Variants in CAMKMT observed in about 807,000 individuals in gnomAD.
CAMKMT encodes CaM KMT.
In CAMKMT, 53 loss-of-function variants were observed where a neutral mutation model predicts 48.0. That is an observed-to-expected ratio of 1.10 (90% CI 0.89 to 1.39). CAMKMT has a LOEUF of 1.39. CAMKMT is among the 40% of genes most tolerant of loss of function. The pLI, the probability that CAMKMT is intolerant of heterozygous loss-of-function variation, is 0.00. For synonymous variants in CAMKMT, 165 were observed against 152.3 expected (o/e 1.08, Z -0.61); for missense variants, 428 against 402.7 (o/e 1.06, Z -0.54).
Position 44,430,396 on chromosome 2 carries a change from A to T in CAMKMT, c.376+40091A>T, listed in dbSNP as rs115563196. On this transcript the variant is annotated intron_variant, in intron 3 of 10. Transcript: ENST00000378494. ...GGCAATTTTCATGTGTGATGAAGTG[A>T]AATGTTGAGAAGGCAGCCTCTCATC... Among the ~76,000 whole-genome samples, 505 of 151,954 alleles carry T rather than the reference A, an allele frequency of 3.3e-3. 3 individuals are homozygous for T. Among genetic ancestry groups the T allele is most frequent in the African/African-American group, 0.012 (489 of 41,440 alleles).
At chr2:44,695,939 TTTTTA>T (rs895802056) in intron 3 of CAMKMT, among the ~76,000 whole-genome samples, 6 of 151,620 alleles carry the variant, frequency 4.0e-5, no homozygotes, top group Non-Finnish European at 7.4e-5. Context: ...AACACAAAAA[TTTTTA>T]TTTTATTTTA....
At chr2:44,544,296 T>C (rs567033711) in intron 3 of CAMKMT, among the ~76,000 whole-genome samples, 1 of 152,314 alleles carries the variant, frequency 6.6e-6, no homozygotes, top group East Asian at 1.9e-4. Context: ...GGTTCAGAAA[T>C]GCCTGTTTAT....
chr2:44,436,269 G>A (rs549218144), intron 3 of CAMKMT, among the ~76,000 whole-genome samples: 5 of 152,112 alleles, frequency 3.3e-5, no homozygotes, highest in African/African-American at 4.8e-5. Context: ...GTAGAGACAG[G>A]GTTTCACCAT....
At chr2:44,493,535 A>G (rs1183009636) in intron 3 of CAMKMT, among the ~76,000 whole-genome samples, 2 of 152,200 alleles carry the variant, frequency 1.3e-5, no homozygotes, top group African/African-American at 2.4e-5. Context: ...TTATTTGATA[A>G]TAATGATTTT....
At position 44,372,030 on chromosome 2, in the gene CAMKMT, C is replaced by A. The variant is rs563825884; in HGVS notation, c.139-686C>A. ...GCATACTCAATATACCTCCCCATTC[C>A]TAGGTAAGCTTTGAAATTCAACTTT... is the stretch of plus-strand genomic sequence containing the variant. On this transcript the variant is annotated intron_variant, in intron 1 of 10. Transcript: ENST00000378494. Among the ~76,000 whole-genome samples, 21 of 152,222 alleles carry A rather than the reference C, an allele frequency of 1.4e-4. No individual in the cohort carries two copies. The Middle Eastern group carries it at 0.014, about 99-fold the overall frequency.
chr2:44,410,231 G>GTATATATATATATA (rs1301135062), intron 3 of CAMKMT, among the ~76,000 whole-genome samples: 3 of 20,446 alleles, frequency 1.5e-4, no homozygotes, highest in Admixed American at 9.6e-4. Context: ...TCAGGTATCA[G>GTATATATATATATA]TATATATATA....
chr2:44,755,449 G>C (rs1200576211), intron 9 of CAMKMT, among the ~76,000 whole-genome samples: 2 of 152,136 alleles, frequency 1.3e-5, no homozygotes, highest in South Asian at 2.1e-4. Flanking sequence ...CAAGATTCTT[G>C]AATATGAAGG....
chr2:44,562,332 G>A (rs2103697976), intron 3 of CAMKMT, among the ~76,000 whole-genome samples: 1 of 152,168 alleles, frequency 6.6e-6, no homozygotes, highest in Non-Finnish European at 1.5e-5. Flanking sequence ...TAATCCATTT[G>A]CTTATTATAA....
chr2:44,601,349 G>A (rs1437691588), intron 3 of CAMKMT, among the ~76,000 whole-genome samples: 4 of 151,980 alleles, frequency 2.6e-5, no homozygotes, highest in South Asian at 4.1e-4. Context: ...CCAGCTACTC[G>A]GGAGGCTGAG....
intron 3 of CAMKMT, among the ~76,000 whole-genome samples, chr2:44,405,508 C>G (rs563806615): frequency 2.4e-4 from 37 of 151,920 alleles, no homozygotes; most frequent in Admixed American, 1.8e-3. Flanking sequence ...GCATATATAC[C>G]AATTTATCAA....
chr2:44,411,461 A>C (rs187125396), intron 3 of CAMKMT, among the ~76,000 whole-genome samples: 3 of 152,234 alleles, frequency 2.0e-5, no homozygotes, highest in African/African-American at 7.2e-5. Flanking sequence ...GTCATATGTT[A>C]TCTCTAGATT....
intron 3 of CAMKMT, among the ~76,000 whole-genome samples, chr2:44,487,143 T>C (rs956219126): frequency 6.6e-6 from 1 of 152,224 alleles, no homozygotes; most frequent in Non-Finnish European, 1.5e-5. Flanking sequence ...AAAAAAAGTT[T>C]ATGTTAAAGT....
intron 3 of CAMKMT, among the ~76,000 whole-genome samples, chr2:44,403,611 G>A (rs1682580751): frequency 6.6e-6 from 1 of 152,160 alleles, no homozygotes; most frequent in Middle Eastern, 3.4e-3. Flanking sequence ...GTTTCTAAAT[G>A]TACTTACTTT....
chr2:44,485,806 T>C (rs916131342), intron 3 of CAMKMT, among the ~76,000 whole-genome samples: 1 of 152,208 alleles, frequency 6.6e-6, no homozygotes, highest in African/African-American at 2.4e-5. Flanking sequence ...TGATTCCATT[T>C]GTATAAAGTC....
chr2:44,704,411 C>A, intron 4 of CAMKMT, 68 bp downstream of exon 4: 8 of 1,025,238 alleles, frequency 7.8e-6, no homozygotes, highest in South Asian at 3.9e-5. Flanking sequence ...TAAAAATTGC[C>A]ATGATTATAT....
intron 3 of CAMKMT, among the ~76,000 whole-genome samples, chr2:44,677,736 G>T (rs1489712850): frequency 6.6e-6 from 1 of 151,776 alleles, no homozygotes; most frequent in Non-Finnish European, 1.5e-5. Context: ...TTTACTTTTA[G>T]AAGGTTGTGT....
At chr2:44,487,207 G>C (rs1669256455) in intron 3 of CAMKMT, among the ~76,000 whole-genome samples, 1 of 151,988 alleles carries the variant, frequency 6.6e-6, no homozygotes, top group South Asian at 2.1e-4. Flanking sequence ...TTTTCTCAGA[G>C]TAACATTGTG....
At chr2:44,749,030 T>G (rs1252023999) in intron 8 of CAMKMT, among the ~76,000 whole-genome samples, 2 of 152,226 alleles carry the variant, frequency 1.3e-5, no homozygotes, top group African/African-American at 4.8e-5. Context: ...GAATGTAGTT[T>G]TGGGAAAGAT....
At chr2:44,666,107 A>T (rs1352521247) in intron 3 of CAMKMT, among the ~76,000 whole-genome samples, 3 of 152,230 alleles carry the variant, frequency 2.0e-5, no homozygotes, top group Non-Finnish European at 2.9e-5. Context: ...TCTCAGGCAG[A>T]TGGAAATGTA....
Sources: allele counts gnomAD v4.1 joint callset (sites outside exome capture counted in the v4.1 genomes callset), GRCh38; gene constraint gnomAD v4.1.1; transcripts MANE v1.5; gene names NCBI Gene and HGNC (gene_info 2026-07-23, HGNC 2026-07-21).